Variants in MIPOL1 observed in about 807,000 individuals in gnomAD.
MIPOL1 encodes the protein mirror-image polydactyly gene 1 protein.
A neutral mutation model predicts 60.9 loss-of-function variants in MIPOL1; 57 were observed. The ratio of observed to expected loss-of-function variants is 0.94; its 90% confidence interval spans 0.76 to 1.17. MIPOL1 has a LOEUF of 1.17. Among genes scored for constraint, MIPOL1 ranks in the 50% most tolerant of loss-of-function variants. The probability of loss-of-function intolerance (pLI) is 0.00; values close to 1 mark genes in which losing one functional copy is unlikely to be tolerated. For synonymous variants in MIPOL1, 179 were observed against 168.8 expected (o/e 1.06, Z -0.47); for missense variants, 551 against 511.6 (o/e 1.08, Z -0.74).
chr14:37,349,963 C>T (rs1423895988), intron 9 of MIPOL1, among the ~76,000 whole-genome samples: 6 of 152,072 alleles, frequency 3.9e-5, no homozygotes, highest in Admixed American at 3.3e-4. Flanking sequence ...AAATTAGTTA[C>T]ATAGTTCTAA....
intron 7 of MIPOL1, among the ~76,000 whole-genome samples, chr14:37,302,541 T>C (rs8020631): frequency 0.94 from 141,795 of 151,378 alleles, 66,865 homozygotes; most frequent in East Asian, 1. Context: ...TTCTTCTAGT[T>C]GATGTCTTGT....
chr14:37,494,467 T>C (rs1014848988), intron 11 of MIPOL1, among the ~76,000 whole-genome samples: 2 of 152,156 alleles, frequency 1.3e-5, no homozygotes, highest in African/African-American at 4.8e-5. Context: ...TGGAAAGGCA[T>C]TCCAAACAAA....
chr14:37,421,813 G>GT (rs2093877484), intron 10 of MIPOL1, among the ~76,000 whole-genome samples: 1 of 147,072 alleles, frequency 6.8e-6, no homozygotes, highest in African/African-American at 2.7e-5. Context: ...TATAATCAGG[G>GT]TTTTACAATT....
rs1021953582 is a variant in MIPOL1, at chr14:37,365,442, A to G, written c.829-4075A>G. Among the ~76,000 whole-genome samples the G allele has an allele frequency of 2.0e-5, 3 of 152,144 alleles. No individual in the cohort carries two copies. The South Asian group carries it at 6.2e-4, about 32-fold the overall frequency. ...AGGGATGTTAAATTTCATCAAATGC[A>G]TTTTCAGCATCTATTGAAATGATCA... On this transcript the variant is annotated intron_variant, in intron 9 of 12. Transcript: ENST00000684589.
In MIPOL1 at chr14:37,548,843, A is replaced by C. The variant is rs997494365; in HGVS notation, c.*1872A>C. The C allele has an allele frequency of 6.6e-6, 1 of 152,004 alleles. No homozygotes were observed. The highest frequency in any genetic ancestry group is 1.5e-5 in the Non-Finnish European group (1 of 67,864). 9.4% of individuals were successfully genotyped at this position (152,004 alleles called of 1,614,324 possible). ...AAACAAATCTTTCTACGCTTAAATG[A>C]TCAAATTAGAAAAACCAATTCCTAT... On this transcript the variant is annotated 3_prime_UTR_variant, in exon 13 of 13. Transcript: ENST00000684589.
intron 2 of MIPOL1, 32 bp from the exon 3 acceptor site, chr14:37,247,797 A>T: frequency 7.8e-7 from 1 of 1,276,910 alleles, no homozygotes; most frequent in Non-Finnish European, 1.1e-6. Flanking sequence ...TATTGTTTTC[A>T]GTTTATTTAT....
At chr14:37,524,245 A>G (rs1883381881) in intron 12 of MIPOL1, among the ~76,000 whole-genome samples, 1 of 152,198 alleles carries the variant, frequency 6.6e-6, no homozygotes, top group South Asian at 2.1e-4. Flanking sequence ...AAATAGACTC[A>G]CTAGGAAGTA....
chr14:37,400,506 G>A (rs1490795515), intron 10 of MIPOL1: 1 of 152,126 alleles, frequency 6.6e-6, no homozygotes, highest in Non-Finnish European at 1.5e-5. Context: ...GATAAGGATA[G>A]TACAAAGCCT....
intron 10 of MIPOL1, among the ~76,000 whole-genome samples, chr14:37,390,800 A>G (rs1297762964): frequency 1.3e-5 from 2 of 151,976 alleles, no homozygotes; most frequent in Non-Finnish European, 2.9e-5. Flanking sequence ...AAAACAGTAC[A>G]ATATAGGTAT....
chr14:37,356,101 C>G (rs2153478242), intron 9 of MIPOL1, among the ~76,000 whole-genome samples: 1 of 149,844 alleles, frequency 6.7e-6, no homozygotes, highest in African/African-American at 2.4e-5. Flanking sequence ...GATGTCCTTT[C>G]TGTTTGTTAG....
chr14:37,454,640 G>T (rs1163721162), intron 11 of MIPOL1, among the ~76,000 whole-genome samples: 6 of 152,092 alleles, frequency 3.9e-5, no homozygotes, highest in Admixed American at 6.6e-5. Flanking sequence ...GATAATAAAA[G>T]TATCCTATTA....
At chr14:37,289,361 A>G (rs903797085) in intron 7 of MIPOL1, among the ~76,000 whole-genome samples, 2 of 152,186 alleles carry the variant, frequency 1.3e-5, no homozygotes, top group African/African-American at 4.8e-5. Context: ...CTCAGATCCC[A>G]TAGGTTGAGG....
chr14:37,369,607 C>G lies in MIPOL1; in HGVS notation c.919C>G (p.Gln307Glu). The change falls in exon 10 of 13, where the codon CAA (glutamine) becomes GAA (glutamate). Residue 307 changes from glutamine (Q) to glutamate (E), a missense_variant. Coordinates refer to ENST00000684589, the MANE Select transcript of MIPOL1 (RefSeq NM_001388067.1). ...GAGACATCTGACTGCTGAAAACAAT[C>G]AAGAACGTGCTCTGAAGGTAAATCT... ...NMRHLTAENNQERALKAKLLS... is the reference protein window; with the variant it reads ...NMRHLTAENNEERALKAKLLS... The G allele has an allele frequency of 6.2e-7, 1 of 1,612,672 alleles. No homozygotes were observed. Among genetic ancestry groups the G allele is most frequent in the African/African-American group, 1.3e-5 (1 of 74,996 alleles).
intron 6 of MIPOL1, chr14:37,276,968 T>C (rs917669293): frequency 7.9e-5 from 12 of 151,104 alleles, no homozygotes; most frequent in African/African-American, 2.9e-4. Context: ...GAGTGCCAGG[T>C]CAAATAATAC....
intron 9 of MIPOL1, among the ~76,000 whole-genome samples, chr14:37,353,622 G>T (rs2091574430): frequency 1.3e-5 from 2 of 150,846 alleles, no homozygotes; most frequent in South Asian, 4.2e-4. Context: ...ACTTCTTCCT[G>T]GTTTAGTCTT....
intron 12 of MIPOL1, among the ~76,000 whole-genome samples, chr14:37,542,504 A>G (rs1236654013): frequency 1.3e-5 from 2 of 152,128 alleles, no homozygotes; most frequent in Non-Finnish European, 2.9e-5. Context: ...TACTACTGGC[A>G]GTACTTGAAA....
intron 11 of MIPOL1, among the ~76,000 whole-genome samples, chr14:37,429,718 T>C (rs2094026555): frequency 6.6e-6 from 1 of 152,118 alleles, no homozygotes; most frequent in Admixed American, 6.5e-5. Context: ...TCTATATTAC[T>C]TTAGTAAATT....
rs759558704 is a variant in MIPOL1, at chr14:37,470,391, G to A, written c.1032-29517G>A. 2.6e-5 allele frequency among the ~76,000 whole-genome samples: 4 copies of A among 152,176 alleles called. No individual in the cohort carries two copies. In the South Asian group the frequency reaches 8.3e-4, roughly 32 times the overall value. On this transcript the variant is annotated intron_variant, in intron 11 of 12. Coordinates refer to ENST00000684589, the MANE Select transcript of MIPOL1 (RefSeq NM_001388067.1). ...CCCAGTGTTACGGGAGGGGCCTGGCGGGAGGTGATTGGATCATGGGGACGG... is the reference window on the plus strand; with the variant it reads ...CCCAGTGTTACGGGAGGGGCCTGGCAGGAGGTGATTGGATCATGGGGACGG...
intron 9 of MIPOL1, among the ~76,000 whole-genome samples, chr14:37,361,555 T>C (rs1190898452): frequency 2.0e-5 from 3 of 151,868 alleles, no homozygotes; most frequent in African/African-American, 7.3e-5. Context: ...GCTCTCCTTG[T>C]TGAATTGTTC....
Sources: gnomAD v4.1 joint callset for allele counts (sites outside exome capture counted in the v4.1 genomes callset) on GRCh38, gnomAD v4.1.1 for gene constraint, MANE v1.5 for transcripts, NCBI Gene and HGNC (gene_info 2026-07-23, HGNC 2026-07-21) for gene names.